The following EGF variants were observed in gnomAD, a reference collection of about 807,000 sequenced individuals.
EGF encodes epidermal growth factor.
Under a neutral mutation model 143.8 loss-of-function variants are expected in EGF, and 95 were observed. The observed-to-expected ratio is 0.66, with a 90% CI of 0.56 to 0.78. EGF has a LOEUF of 0.78. Ranked by LOEUF, EGF falls within the 30% of genes least tolerant of loss-of-function variation. EGF has a pLI of 0.00. For missense variants in EGF, 1,320 were observed against 1,470.9 expected (o/e 0.90, Z 1.68); for synonymous variants, 510 against 510.5 (o/e 1.00, Z 0.01).
At chr4:109,992,909 G>A (rs1751195176) in intron 18 of EGF, among the ~76,000 whole-genome samples, 1 of 135,406 alleles carries the variant, frequency 7.4e-6, no homozygotes, top group African/African-American at 2.6e-5. Context: ...AGAACACTTG[G>A]ACACAGGGTG....
In EGF at chr4:109,930,477, A is replaced by G. The variant is rs151195974; in HGVS notation, c.128-10469A>G. Among the ~76,000 whole-genome samples, 545 of 152,286 alleles carry G rather than the reference A, an allele frequency of 3.6e-3. 4 individuals carry two copies. Among genetic ancestry groups the G allele is most frequent in the Non-Finnish European group, 5.6e-3 (380 of 68,024 alleles). ...GGTGTCACTGAAGTTTTTGAGGTCC[A>G]GAAGCTCCCTTTGCACTCTCTTCAT... On this transcript the variant is annotated intron_variant, in intron 1 of 23. Coordinates refer to ENST00000265171, the MANE Select transcript of EGF (RefSeq NM_001963.6).
chr4:109,940,815 G>T (rs1162320648), intron 1 of EGF, 131 bp from the exon 2 acceptor site: 2 of 916,738 alleles, frequency 2.2e-6, no homozygotes, highest in African/African-American at 1.7e-5. Context: ...TCTATAAATA[G>T]ACTTTATTTT....
intron 22 of EGF, among the ~76,000 whole-genome samples, chr4:110,006,045 G>A (rs1753236711): frequency 7.0e-6 from 1 of 143,818 alleles, no homozygotes; most frequent in African/African-American, 2.9e-5. Context: ...TCAAGTATGG[G>A]GGAAAAAAAT....
At chr4:109,951,031 G>C (rs2126029805) in intron 5 of EGF, among the ~76,000 whole-genome samples, 1 of 152,140 alleles carries the variant, frequency 6.6e-6, no homozygotes, top group South Asian at 2.1e-4. Flanking sequence ...AGCAAGCCAG[G>C]CACGGTGGCT....
At chr4:110,010,678 T>C (rs1352212373) in intron 23 of EGF, among the ~76,000 whole-genome samples, 1 of 152,132 alleles carries the variant, frequency 6.6e-6, no homozygotes, top group East Asian at 1.9e-4. Flanking sequence ...CTTGAACTCT[T>C]GGGTGCAAGC....
chr4:109,976,633 C>T lies in EGF; in HGVS notation c.2053+398C>T, dbSNP rs542518021. On this transcript the variant is annotated intron_variant, in intron 13 of 23. Coordinates refer to ENST00000265171, the MANE Select transcript of EGF (RefSeq NM_001963.6). The stretch of plus-strand genomic sequence containing the variant: ...TGTGCAAAGATTAATATAGTTTCCT[C>T]CCCTATTATTTTCAGATTTTACATG... Among the ~76,000 whole-genome samples the T allele has an allele frequency of 5.9e-5, 9 of 152,254 alleles. No individual in the cohort carries two copies. In the East Asian group the frequency reaches 1.2e-3, roughly 20 times the overall value.
intron 1 of EGF, among the ~76,000 whole-genome samples, chr4:109,934,821 C>G (rs916095106): frequency 6.6e-6 from 1 of 152,150 alleles, no homozygotes; most frequent in Non-Finnish European, 1.5e-5. Flanking sequence ...AAAAGGGAAT[C>G]CTTTCCCTAT....
At chr4:109,992,639 C>T (rs1219347126) in intron 18 of EGF, among the ~76,000 whole-genome samples, 1 of 152,082 alleles carries the variant, frequency 6.6e-6, no homozygotes, top group East Asian at 1.9e-4. Context: ...TATAAAGACA[C>T]ATGCACACGT....
At chr4:109,959,552 C>A in intron 6 of EGF, 115 bp downstream of exon 6, 2 of 1,522,366 alleles carry the variant, frequency 1.3e-6, no homozygotes, top group Non-Finnish European at 9.1e-7. Flanking sequence ...AGTGGAAAAC[C>A]AACTTCAAGT....
At chr4:109,954,381 T>G (rs1477905276) in intron 5 of EGF, among the ~76,000 whole-genome samples, 2 of 152,142 alleles carry the variant, frequency 1.3e-5, no homozygotes, top group Non-Finnish European at 2.9e-5. Context: ...TGCTTTAAGT[T>G]TGTTGATTCA....
At chr4:109,931,113 A>G (rs191139587) in intron 1 of EGF, among the ~76,000 whole-genome samples, 8 of 152,230 alleles carry the variant, frequency 5.3e-5, no homozygotes, top group Admixed American at 2.6e-4. Flanking sequence ...AGACTGTACC[A>G]CACATCAGTG....
chr4:110,005,653 C>T (rs181114708), intron 22 of EGF, among the ~76,000 whole-genome samples: 21 of 152,306 alleles, frequency 1.4e-4, no homozygotes, highest in Admixed American at 1.2e-3. Context: ...CACTAGAGGG[C>T]AGTCTTGAAA....
At position 109,943,918 on chromosome 4, in the gene EGF, T is replaced by C. The variant is rs1030028760; in HGVS notation, c.586T>C (p.Leu196=). ...DLDGVGVKAL[L]ETSEKITAVS... ...CGATGGTGTGGGAGTGAAGGCTCTG[T>C]TGGAGACATCAGAGAAAATAACAGC... Residue 196 remains leucine (L), a synonymous_variant, in exon 4 of 24, where the codon TTG becomes CTG. Coordinates refer to ENST00000265171, the MANE Select transcript of EGF (RefSeq NM_001963.6). The C allele has an allele frequency of 2.5e-6, 4 of 1,614,178 alleles. No individual in the cohort carries two copies. The highest frequency in any genetic ancestry group is 1.7e-6 in the Non-Finnish European group (2 of 1,180,026).
intron 11 of EGF, among the ~76,000 whole-genome samples, chr4:109,970,266 G>T (rs1747353598): frequency 6.6e-6 from 1 of 152,154 alleles, no homozygotes; most frequent in Non-Finnish European, 1.5e-5. Flanking sequence ...TATAAGAGAA[G>T]CTGCTAACGA....
intron 18 of EGF, among the ~76,000 whole-genome samples, chr4:109,989,339 A>G (rs775799589): frequency 1.3e-5 from 2 of 152,206 alleles, no homozygotes; most frequent in Non-Finnish European, 2.9e-5. Context: ...TGTCAGTAGC[A>G]TCGCATCACG....
intron 5 of EGF, among the ~76,000 whole-genome samples, chr4:109,947,134 A>G (rs1743001366): frequency 6.6e-6 from 1 of 151,494 alleles, no homozygotes; most frequent in Non-Finnish European, 1.5e-5. Context: ...AAAATTAAAA[A>G]AAAAAAGTTG....
In EGF at chr4:109,969,119, G is replaced by C. The variant is rs1226967393; in HGVS notation, c.1724G>C (p.Gly575Ala). The C allele has an allele frequency of 3.1e-6, 5 of 1,614,086 alleles. No individual in the cohort carries two copies. Among genetic ancestry groups the C allele is most frequent in the Non-Finnish European group, 4.2e-6 (5 of 1,180,016 alleles). ...CGTAGATTCTATTGGACAGACAGAGGGTATGTTTTCTGCTTCAGTTTTAAG... is the reference window on the plus strand; with the variant it reads ...CGTAGATTCTATTGGACAGACAGAGCGTATGTTTTCTGCTTCAGTTTTAAG... ...IGRRFYWTDR[G>A]KSLIGRSDLN... Residue 575 changes from glycine (G) to alanine (A), a missense_variant and splice_region_variant, in exon 11 of 24, where the codon GGG becomes GCG. Gly to Ala is a moderately conservative substitution (Grantham distance 60). This residue lies in a region of EGF where 1,186 missense variants were observed against 1,313.7 expected (regional missense o/e 0.90). Transcript: ENST00000265171.
At position 110,004,506 on chromosome 4, in the gene EGF, A is replaced by T. The variant is rs550050429; in HGVS notation, c.3175A>T (p.Thr1059Ser). ...TCTCAAATTTTGGCTTTATCACAGG[A>T]CTCAGAAGCTGCTATCGAAAAACCC... ...LSLWGAHYYR[T>S]QKLLSKNPKN... Residue 1059 changes from threonine (T) to serine (S), a missense_variant and splice_region_variant, in exon 22 of 24, where the codon ACT (threonine) becomes TCT (serine). Thr to Ser is a moderately conservative substitution (Grantham distance 58). Around this residue, in one of 5 missense-constraint regions of EGF, gnomAD observed 1,186 missense variants for 1,313.7 expected, o/e 0.90. Coordinates refer to ENST00000265171, the MANE Select transcript of EGF (RefSeq NM_001963.6). 14 of 1,613,950 alleles carry T rather than the reference A, an allele frequency of 8.7e-6. No homozygotes were observed. The South Asian group carries it at 1.5e-4, about 18-fold the overall frequency.
At chr4:109,938,114 A>T (rs1741181333) in intron 1 of EGF, among the ~76,000 whole-genome samples, 1 of 152,100 alleles carries the variant, frequency 6.6e-6, no homozygotes, top group African/African-American at 2.4e-5. Flanking sequence ...GTGTTTTCTA[A>T]CTTGGTTCCA....
Sources: allele counts gnomAD v4.1 joint callset (sites outside exome capture counted in the v4.1 genomes callset), GRCh38; gene constraint gnomAD v4.1.1; regional missense constraint gnomAD v4.1.1; transcripts MANE v1.5; gene names NCBI Gene and HGNC (gene_info 2026-07-23, HGNC 2026-07-21).